Variants in RNF168 observed in about 807,000 individuals in gnomAD.
RNF168 encodes the protein ring finger protein 168, also known as E3 ubiquitin-protein ligase RNF168.
A neutral mutation model predicts 34.9 loss-of-function variants in RNF168; 34 were observed. The observed-to-expected ratio is 0.97, with a 90% CI of 0.74 to 1.30. The LOEUF is 1.30. Ranked by LOEUF, RNF168 falls within the 50% of genes most tolerant of loss-of-function variation. The pLI is 0.00. For synonymous variants in RNF168, 264 were observed against 254.7 expected (o/e 1.04, Z -0.35); for missense variants, 725 against 682.5 (o/e 1.06, Z -0.69).
Position 196,472,400 on chromosome 3 carries a change from G to A in RNF168, c.1135C>T (p.Leu379=). The A allele has an allele frequency of 1.9e-6, 3 of 1,613,634 alleles. No individual in the cohort carries two copies. Among genetic ancestry groups the A allele is most frequent in the Non-Finnish European group, 2.5e-6 (3 of 1,179,828 alleles). ...TGETENEESC[L]LISKEISKRK... is the part of the protein sequence containing the mutation. ...TTGGAAATCTCCTTACTGATCAGTA[G>A]GCACGACTCTTCATTTTCTGTCTCA... The change falls in exon 6 of 6, where the codon CTA becomes TTA. Residue 379 remains leucine (L), a synonymous_variant. Coordinates refer to ENST00000318037, the MANE Select transcript of RNF168 (RefSeq NM_152617.4).
chr3:196,493,958 T>C (rs1445823569), intron 1 of RNF168, among the ~76,000 whole-genome samples: 1 of 151,468 alleles, frequency 6.6e-6, no homozygotes, highest in African/African-American at 2.4e-5. Flanking sequence ...GCTCAAGCAA[T>C]GCTACTGCCT....
chr3:196,475,449 T>C (rs1732121920), intron 4 of RNF168, 137 bp from the exon 5 acceptor site: 1 of 681,136 alleles, frequency 1.5e-6, no homozygotes, highest in Non-Finnish European at 2.7e-6. Context: ...ATTTCCGTGC[T>C]TCAGATATTT....
chr3:196,499,440 G>A (rs911882543), intron 1 of RNF168, among the ~76,000 whole-genome samples: 4 of 152,182 alleles, frequency 2.6e-5, no homozygotes, highest in Admixed American at 2.0e-4. Context: ...TGCTAAGTTC[G>A]TGGTACTTTG....
At position 196,471,196 on chromosome 3, in the gene RNF168, CAAAAAAAAAAAAAAAAAAAAA is replaced by C. The variant is rs57647149; in HGVS notation, c.*602_*622del. On this transcript the variant is annotated 3_prime_UTR_variant, in exon 6 of 6. Coordinates refer to ENST00000318037, the MANE Select transcript of RNF168 (RefSeq NM_152617.4). ...GCGTGACAGAGCAAGACTCTGTCTC[CAAAAAAAAAAAAAAAAAAAAA>C]AAAAAAAAAAAATCTGGGATTTCCC... The C allele has an allele frequency of 2.5e-5, 1 of 40,642 alleles. No homozygotes were observed. The highest frequency in any genetic ancestry group is 8.2e-5 in the African/African-American group (1 of 12,256). The allele number at this position is 40,642 out of a possible 1,614,324, so 2.5% of individuals were successfully genotyped here.
chr3:196,503,048 C>G lies in RNF168; in HGVS notation c.126G>C (p.Ser42=). Residue 42 remains serine, a synonymous_variant, in exon 1 of 6, where the codon TCG becomes TCC. Coordinates refer to ENST00000318037, the MANE Select transcript of RNF168 (RefSeq NM_152617.4). ...NHTLCKPCFQ[S]TVEKASLCCP... is the part of the protein sequence containing the mutation. ...AGCATAAACTCGCCTTTTCGACGGTCGACTGGAAGCACGGTTTACACAGCG... is the reference window on the plus strand; with the variant it reads ...AGCATAAACTCGCCTTTTCGACGGTGGACTGGAAGCACGGTTTACACAGCG... The G allele has an allele frequency of 6.2e-7, 1 of 1,614,102 alleles. No individual in the cohort carries two copies. The highest frequency in any genetic ancestry group is 8.5e-7 in the Non-Finnish European group (1 of 1,180,030).
At chr3:196,479,260 G>A (rs112276010) in intron 4 of RNF168, among the ~76,000 whole-genome samples, 18,255 of 147,028 alleles carry the variant, frequency 0.12, 1,469 homozygotes, top group Middle Eastern at 0.26. Context: ...TGATCCACCC[G>A]CCTCGGCCTC....
At chr3:196,475,935 C>A (rs1298294072) in intron 4 of RNF168, among the ~76,000 whole-genome samples, 4 of 151,586 alleles carry the variant, frequency 2.6e-5, no homozygotes, top group African/African-American at 9.7e-5. Flanking sequence ...TCTCAGCTCA[C>A]TGCAACCTCC....
intron 1 of RNF168, among the ~76,000 whole-genome samples, chr3:196,494,030 T>C (rs1181803665): frequency 5.3e-5 from 8 of 151,754 alleles, no homozygotes; most frequent in Non-Finnish European, 1.2e-4. Context: ...TTTTTGTATT[T>C]TTTGTAGACG....
At position 196,503,272 on chromosome 3, in the gene RNF168, C is replaced by G. The variant is rs774367379; in HGVS notation, c.-99G>C. 12 of 1,013,504 alleles carry G rather than the reference C, an allele frequency of 1.2e-5. No homozygotes were observed. Among genetic ancestry groups the G allele is most frequent in the Non-Finnish European group, 1.8e-5 (12 of 654,480 alleles). 62.8% of individuals were successfully genotyped at this position (1,013,504 alleles called of 1,614,324 possible). A position where few individuals can be genotyped will look rare whatever the true frequency, so the allele number is the denominator to read the frequency against. ...AGAGAGCAAAAGCAGTTTTGTGTTT[C>G]AGTATTATGCCCAGAAGCGTATCAG... is the stretch of plus-strand genomic sequence containing the variant. On this transcript the variant is annotated 5_prime_UTR_variant, in exon 1 of 6. Coordinates refer to ENST00000318037, the MANE Select transcript of RNF168 (RefSeq NM_152617.4).
At position 196,475,859 on chromosome 3, in the gene RNF168, T is replaced by C. The variant is rs549880692; in HGVS notation, c.681-547A>G. ...GCCACTGAGCCCGGCTAAATATTTT[T>C]TTTTCTTTTCTTTTTTTTGAGACGG... On this transcript the variant is annotated intron_variant, in intron 4 of 5. Transcript: ENST00000318037. Among the ~76,000 whole-genome samples, 900 of 141,080 alleles carry C rather than the reference T, an allele frequency of 6.4e-3. 12 individuals are homozygous for C. The highest frequency in any genetic ancestry group is 0.028 in the Middle Eastern group (7 of 250). 92.6% of individuals were successfully genotyped at this position (141,080 alleles called of 152,430 possible). A position where few individuals can be genotyped will look rare whatever the true frequency, so the allele number is the denominator to read the frequency against.
chr3:196,472,151 T>C lies in RNF168; in HGVS notation c.1384A>G (p.Met462Val). 1 of 1,614,136 alleles carries C rather than the reference T, an allele frequency of 6.2e-7. No individual in the cohort carries two copies. The highest frequency in any genetic ancestry group is 8.5e-7 in the Non-Finnish European group (1 of 1,180,014). ...QLQKEVDKEQ[M>V]VPNRQKGSPD... ...GATCCTTTTTGCCGGTTTGGCACCA[T>C]TTGCTCTTTATCCACCTCCTTCTGA... The change falls in exon 6 of 6, where the codon ATG becomes GTG. Residue 462 changes from methionine (M) to valine (V), a missense_variant. Coordinates refer to ENST00000318037, the MANE Select transcript of RNF168 (RefSeq NM_152617.4).
chr3:196,475,180 T>C (rs774719996), intron 5 of RNF168, 51 bp downstream of exon 5: 29 of 1,012,920 alleles, frequency 2.9e-5, no homozygotes, highest in Non-Finnish European at 4.1e-5. Context: ...AGCACTAATC[T>C]ACAGCATTAA....
At chr3:196,493,933 G>A (rs546699922) in intron 1 of RNF168, among the ~76,000 whole-genome samples, 190 of 149,722 alleles carry the variant, frequency 1.3e-3, no homozygotes, top group Non-Finnish European at 5.0e-4. Context: ...GCTCACTGCA[G>A]TGTCCACCTC....
At chr3:196,490,861 C>T (rs1732574068) in intron 1 of RNF168, among the ~76,000 whole-genome samples, 1 of 152,166 alleles carries the variant, frequency 6.6e-6, no homozygotes, top group South Asian at 2.1e-4. Flanking sequence ...ATGGTATACA[C>T]AGGAGAGACA....
rs1437183389 is a variant in RNF168 at position 196,471,816 on chromosome 3, G to A, written c.*3C>T. The A allele has an allele frequency of 1.9e-6, 3 of 1,582,378 alleles. No homozygotes were observed. Among genetic ancestry groups the A allele is most frequent in the Non-Finnish European group, 2.6e-6 (3 of 1,151,106 alleles). ...GATCACAAAGCACTCCCTTTACCAG[G>A]CCTTACTTTGTGCATCTCTGAAACA... is the stretch of plus-strand genomic sequence containing the variant. On this transcript the variant is annotated 3_prime_UTR_variant, in exon 6 of 6. Transcript: ENST00000318037.
rs80069657 is a variant in RNF168, at chr3:196,498,123, A to C, written c.301+4750T>G. Among the ~76,000 whole-genome samples the C allele has an allele frequency of 5.4e-3, 816 of 152,298 alleles. 10 individuals are homozygous for C. Among genetic ancestry groups the C allele is most frequent in the African/African-American group, 0.018 (763 of 41,564 alleles). ...CCTGTATGCTGTTGGTGGGATTACA[A>C]AATGACACAACCACTTTCGAAAAAG... On this transcript the variant is annotated intron_variant, in intron 1 of 5. Coordinates refer to ENST00000318037, the MANE Select transcript of RNF168 (RefSeq NM_152617.4).
At chr3:196,500,757 G>GC (rs1732860261) in intron 1 of RNF168, among the ~76,000 whole-genome samples, 2 of 151,894 alleles carry the variant, frequency 1.3e-5, no homozygotes, top group Non-Finnish European at 2.9e-5. Context: ...TGTCTCCCAG[G>GC]CTGGAGTGCG....
At chr3:196,489,115 C>T (rs143524675) in intron 1 of RNF168, among the ~76,000 whole-genome samples, 45 of 152,246 alleles carry the variant, frequency 3.0e-4, no homozygotes, top group African/African-American at 1.1e-3. Flanking sequence ...CTTGGCCTCC[C>T]AAAGTGCTGC....
At chr3:196,502,165 G>A (rs1360130704) in intron 1 of RNF168, among the ~76,000 whole-genome samples, 4 of 150,526 alleles carry the variant, frequency 2.7e-5, no homozygotes, top group Non-Finnish European at 5.9e-5. Context: ...ATTAGTGGAG[G>A]AAAGAGTCAA....
Sources: allele counts gnomAD v4.1 joint callset (sites outside exome capture counted in the v4.1 genomes callset), GRCh38; gene constraint gnomAD v4.1.1; transcripts MANE v1.5; gene names NCBI Gene and HGNC (gene_info 2026-07-23, HGNC 2026-07-21).